The following CPVL variants were observed in gnomAD, a reference collection of about 807,000 sequenced individuals.
The protein encoded by CPVL is probable serine carboxypeptidase CPVL.
A neutral mutation model predicts 63.7 loss-of-function variants in CPVL; 51 were observed. The ratio of observed to expected loss-of-function variants is 0.80; its 90% CI spans 0.64 to 1.01. The LOEUF is 1.01. CPVL is among the 50% of genes least tolerant of loss of function. The pLI, the probability that CPVL is intolerant of heterozygous loss-of-function variation, is 0.00. For synonymous variants in CPVL, 195 were observed against 206.0 expected, an observed-to-expected ratio of 0.95 and a Z score of 0.46; for missense variants, 530 against 573.1, an observed-to-expected ratio of 0.92 and a Z score of 0.77.
At chr7:29,151,441 A>G (rs2128692649), upstream of CPVL, among the ~76,000 whole-genome samples, 1 of 152,310 alleles carries the variant, frequency 6.6e-6, no homozygotes, top group East Asian at 1.9e-4. Flanking sequence ...AGCCAGGCAA[A>G]TAAGACTTCG....
intron 12 of CPVL, among the ~76,000 whole-genome samples, chr7:29,029,491 A>ATTG (rs1391386272): frequency 6.6e-6 from 1 of 152,240 alleles, no homozygotes; most frequent in Non-Finnish European, 1.5e-5. Flanking sequence ...ATGAAATCCT[A>ATTG]TCACTTGCAG....
At chr7:29,175,734 C>G (rs576275913) in intron 5 of CPVL, among the ~76,000 whole-genome samples, 1 of 152,016 alleles carries the variant, frequency 6.6e-6, no homozygotes, top group Non-Finnish European at 1.5e-5. Flanking sequence ...ATAAGTTACC[C>G]AAGCGGAGCA....
chr7:29,192,723 G>A (rs1282811002), intron 1 of CPVL: 2 of 152,114 alleles, frequency 1.3e-5, no homozygotes, highest in Non-Finnish European at 2.9e-5. Flanking sequence ...TTTGTGGCAG[G>A]TGTAGAAACT....
At chr7:29,170,479 C>T (rs1796456264) in intron 5 of CPVL, among the ~76,000 whole-genome samples, 1 of 152,180 alleles carries the variant, frequency 6.6e-6, no homozygotes, top group African/African-American at 2.4e-5. Flanking sequence ...CATATTTTCT[C>T]CAATTGTTCA....
At chr7:29,077,691 A>G (rs1414635996) in intron 7 of CPVL, among the ~76,000 whole-genome samples, 1 of 152,226 alleles carries the variant, frequency 6.6e-6, no homozygotes. Context: ...GGAATCAGTC[A>G]TATCATTCCC....
intron 7 of CPVL, chr7:29,081,409 T>TC (rs1213213088): frequency 6.6e-6 from 1 of 152,234 alleles, no homozygotes; most frequent in Non-Finnish European, 1.5e-5. Context: ...AAGCAGCTTC[T>TC]CCCCTTTCCT....
At chr7:29,186,846 T>C (rs1447957512) in intron 1 of CPVL, among the ~76,000 whole-genome samples, 1 of 152,138 alleles carries the variant, frequency 6.6e-6, no homozygotes, top group Non-Finnish European at 1.5e-5. Context: ...GCCTGTAACC[T>C]TGATAAATTA....
At chr7:29,150,500 T>C (rs1020926939), upstream of CPVL, among the ~76,000 whole-genome samples, 1 of 152,206 alleles carries the variant, frequency 6.6e-6, no homozygotes, top group Non-Finnish European at 1.5e-5. Flanking sequence ...CACTGACCTA[T>C]AGCCGGAGCT....
At chr7:29,150,547 G>A (rs1406730415), upstream of CPVL, among the ~76,000 whole-genome samples, 1 of 152,218 alleles carries the variant, frequency 6.6e-6, no homozygotes, top group African/African-American at 2.4e-5. Flanking sequence ...AGAAGACACA[G>A]AGAATAGATC....
In CPVL at chr7:29,066,126, G is replaced by A. The variant is rs1403708979; in HGVS notation, c.865-5C>T. 4.2e-6 allele frequency: 6 copies of A among 1,443,932 alleles called. No individual in the cohort carries two copies. In the African/African-American group the frequency reaches 4.2e-5, roughly 10 times the overall value. The allele number at this position is 1,443,932 out of a possible 1,614,324, so 89.4% of individuals were successfully genotyped here. On this transcript the variant is annotated splice_region_variant and splice_polypyrimidine_tract_variant and intron_variant, in intron 9 of 12. Coordinates refer to ENST00000265394, the MANE Select transcript of CPVL (RefSeq NM_031311.5). ...ATCTAGTAGTTTATCCAGTATCTAG[G>A]TTGGGAGAGAGGGAGAAAGAAAGAA...
At chr7:29,144,238 G>T (rs1377005216) in intron 1 of CPVL, among the ~76,000 whole-genome samples, 1 of 152,150 alleles carries the variant, frequency 6.6e-6, no homozygotes, top group African/African-American at 2.4e-5. Flanking sequence ...AATCATGTTT[G>T]CTCTTTAGTG....
rs1004657244 is a variant in CPVL at position 29,037,707 on chromosome 7, G to A, written c.1138-6948C>T. Among the ~76,000 whole-genome samples the A allele has an allele frequency of 3.3e-5, 5 of 152,162 alleles. 1 individual carries two copies. Among genetic ancestry groups the A allele is most frequent in the Non-Finnish European group, 4.4e-5 (3 of 68,026 alleles). On this transcript the variant is annotated intron_variant, in intron 11 of 12. Coordinates refer to ENST00000265394, the MANE Select transcript of CPVL (RefSeq NM_031311.5). ...ATGGATTAGAATTGTGACTTAGGAT[G>A]GAGGAGTTAGAACTCCATAAATAAC...
In CPVL at chr7:29,058,035, G is replaced by A. The variant is rs180775555; in HGVS notation, c.1137+6026C>T. On this transcript the variant is annotated intron_variant, in intron 11 of 12. Coordinates refer to ENST00000265394, the MANE Select transcript of CPVL (RefSeq NM_031311.5). ...CTTTTGCCTCTCCTTAGAAACTTTA[G>A]AACAATTTATCCTTATCTACAAAAT... 3.2e-4 allele frequency among the ~76,000 whole-genome samples: 49 copies of A among 152,116 alleles called. No homozygotes were observed. The South Asian group carries it at 1.0e-2, about 31-fold the overall frequency.
intron 5 of CPVL, among the ~76,000 whole-genome samples, chr7:29,164,029 A>G (rs1795554914): frequency 6.6e-6 from 1 of 152,202 alleles, no homozygotes; most frequent in South Asian, 2.1e-4. Flanking sequence ...TCTTGGGTAA[A>G]TACCTAGGTT....
At chr7:29,034,586 A>C (rs371804521) in intron 11 of CPVL, among the ~76,000 whole-genome samples, 4 of 152,224 alleles carry the variant, frequency 2.6e-5, no homozygotes, top group South Asian at 4.2e-4. Context: ...CCCTCCTGAC[A>C]GGCCCCAGTA....
chr7:29,131,554 C>T (rs780523878), intron 1 of CPVL, among the ~76,000 whole-genome samples: 2 of 152,038 alleles, frequency 1.3e-5, no homozygotes, highest in Non-Finnish European at 2.9e-5. Flanking sequence ...TTTTGAGACA[C>T]GGTCTCACTC....
intron 12 of CPVL, among the ~76,000 whole-genome samples, chr7:28,997,165 T>C (rs922154676): frequency 2.6e-5 from 4 of 152,218 alleles, no homozygotes; most frequent in African/African-American, 9.6e-5. Context: ...CACTGAGTGT[T>C]GGGAAGTTAC....
At chr7:29,145,184 C>T (rs1014955990) in intron 1 of CPVL, among the ~76,000 whole-genome samples, 5 of 151,706 alleles carry the variant, frequency 3.3e-5, no homozygotes, top group African/African-American at 9.7e-5. Context: ...CTTTCTTAAA[C>T]GTTATTTACC....
intron 1 of CPVL, among the ~76,000 whole-genome samples, chr7:29,145,282 T>C (rs963105887): frequency 1.4e-5 from 2 of 145,454 alleles, no homozygotes; most frequent in African/African-American, 5.1e-5. Flanking sequence ...GGAAAAAAAA[T>C]GAGTTGTACA....
Sources: allele counts gnomAD v4.1 joint callset (sites outside exome capture counted in the v4.1 genomes callset), GRCh38; gene constraint gnomAD v4.1.1; transcripts MANE v1.5; gene names NCBI Gene and HGNC (gene_info 2026-07-23, HGNC 2026-07-21).